PIK3C2G: variants seen among roughly 807,000 people sequenced by gnomAD.
PIK3C2G encodes the protein phosphatidylinositol 3-kinase C2 domain-containing subunit gamma.
PIK3C2G carries 168 observed loss-of-function variants against 181.1 expected under a neutral mutation model. The ratio of observed to expected loss-of-function variants is 0.93; its 90% CI spans 0.82 to 1.05. PIK3C2G has a LOEUF of 1.05. Among genes scored for constraint, PIK3C2G ranks in the 50% least tolerant of loss-of-function variants. The pLI is 0.00. For synonymous variants in PIK3C2G, 573 were observed against 592.2 expected, an observed-to-expected ratio of 0.97 and a Z score of 0.47; for missense variants, 1,869 against 1,732.8, an observed-to-expected ratio of 1.08 and a Z score of -1.40.
intron 26 of PIK3C2G, among the ~76,000 whole-genome samples, chr12:18,552,501 A>G (rs1396988539): frequency 6.6e-6 from 1 of 152,116 alleles, no homozygotes; most frequent in Non-Finnish European, 1.5e-5. Context: ...TACAGAAATA[A>G]ACACTACCAA....
At chr12:18,695,554 A>T in the PIK3C2G span, among the ~76,000 whole-genome samples, 1 of 152,092 alleles carries the variant, frequency 6.6e-6, no homozygotes. Flanking sequence ...CCTGGTAAAT[A>T]GCCACTGTAG....
At position 18,486,200 on chromosome 12, in the gene PIK3C2G, C is replaced by A. The variant is rs528758417; in HGVS notation, c.2505-2249C>A. On this transcript the variant is annotated intron_variant, in intron 18 of 32. Coordinates refer to ENST00000538779, the MANE Select transcript of PIK3C2G (RefSeq NM_001288772.2). ...AAAAGCCATGGATCTTGAACCAGAT[C>A]TCACCAGGAGAACATGTAATCTTGG... is the stretch of plus-strand genomic sequence containing the variant. Among the ~76,000 whole-genome samples, 9 of 152,262 alleles carry A rather than the reference C, an allele frequency of 5.9e-5. No individual in the cohort carries two copies. In the East Asian group the frequency reaches 1.7e-3, roughly 29 times the overall value.
intron 17 of PIK3C2G, among the ~76,000 whole-genome samples, chr12:18,423,687 A>G (rs185030074): frequency 2.6e-5 from 4 of 152,080 alleles, no homozygotes; most frequent in Admixed American, 1.3e-4. Context: ...ACATGGTTGA[A>G]CTCCACCAAC....
At chr12:18,404,677 T>C (rs11044081) in intron 16 of PIK3C2G, among the ~76,000 whole-genome samples, 19,401 of 152,112 alleles carry the variant, frequency 0.13, 1,268 homozygotes, top group African/African-American at 0.15. Flanking sequence ...TCATTTTATA[T>C]AACATTAGAA....
intron 26 of PIK3C2G, among the ~76,000 whole-genome samples, chr12:18,551,978 G>T (rs115134026): frequency 6.6e-6 from 1 of 152,010 alleles, no homozygotes; most frequent in African/African-American, 2.4e-5. Context: ...TTGCCCAGCC[G>T]TATTCTTATC....
chr12:18,266,369 T>C (rs1948499711), intron 1 of PIK3C2G, among the ~76,000 whole-genome samples: 1 of 152,176 alleles, frequency 6.6e-6, no homozygotes, highest in Non-Finnish European at 1.5e-5. Context: ...CCTTTCCTCT[T>C]GTAAGACAGA....
At chr12:18,450,327 T>C (rs1947279437) in intron 18 of PIK3C2G, among the ~76,000 whole-genome samples, 1 of 152,116 alleles carries the variant, frequency 6.6e-6, no homozygotes, top group African/African-American at 2.4e-5. Flanking sequence ...GGTTTCACCA[T>C]GTTGGCCAGG....
At chr12:18,360,557 T>C (rs1406954452) in intron 11 of PIK3C2G, among the ~76,000 whole-genome samples, 2 of 152,208 alleles carry the variant, frequency 1.3e-5, no homozygotes, top group African/African-American at 2.4e-5. Flanking sequence ...GCAGGTCTTG[T>C]AGTGAGGAAC....
the PIK3C2G span, chr12:18,714,595 AG>A: frequency 6.6e-6 from 1 of 152,160 alleles, no homozygotes; most frequent in East Asian, 1.9e-4. Context: ...AGGTTAAAAA[AG>A]CTCCCTTGTC....
Position 18,473,966 on chromosome 12 carries a change from T to C in PIK3C2G, c.2505-14483T>C, listed in dbSNP as rs1938713747. On this transcript the variant is annotated intron_variant, in intron 18 of 32. Coordinates refer to ENST00000538779, the MANE Select transcript of PIK3C2G (RefSeq NM_001288772.2). ...TTTGATGGAGGAAAGTTTAAGTTTTTCATTGGGTCATATTTGGCAAAACAT... is the reference window on the plus strand; with the variant it reads ...TTTGATGGAGGAAAGTTTAAGTTTTCCATTGGGTCATATTTGGCAAAACAT... Among the ~76,000 whole-genome samples, 3 of 152,184 alleles carry C rather than the reference T, an allele frequency of 2.0e-5. No homozygotes were observed. The South Asian group carries it at 6.2e-4, about 32-fold the overall frequency.
intron 14 of PIK3C2G, among the ~76,000 whole-genome samples, chr12:18,388,866 A>G (rs1943350823): frequency 6.6e-6 from 1 of 152,242 alleles, no homozygotes; most frequent in South Asian, 2.1e-4. Flanking sequence ...GCTGTGAATT[A>G]GAAGGGAGGA....
intron 7 of PIK3C2G, among the ~76,000 whole-genome samples, chr12:18,322,965 A>C (rs970547335): frequency 2.0e-5 from 3 of 152,138 alleles, no homozygotes; most frequent in African/African-American, 7.2e-5. Context: ...TACACCTCAA[A>C]TATGGGAAGT....
chr12:18,501,777 G>A (rs917084979), intron 22 of PIK3C2G, among the ~76,000 whole-genome samples: 1 of 152,116 alleles, frequency 6.6e-6, no homozygotes, highest in Non-Finnish European at 1.5e-5. Flanking sequence ...AGTGTCTTGG[G>A]ATTTAGCAAA....
chr12:18,331,290 T>G (rs1248839251), intron 8 of PIK3C2G, among the ~76,000 whole-genome samples: 2 of 152,178 alleles, frequency 1.3e-5, no homozygotes, highest in Admixed American at 1.3e-4. Context: ...TTGTATTTTC[T>G]AATCCATGAG....
intron 5 of PIK3C2G, among the ~76,000 whole-genome samples, chr12:18,305,163 T>A (rs551082157): frequency 6.6e-6 from 1 of 152,322 alleles, no homozygotes; most frequent in South Asian, 2.1e-4. Flanking sequence ...CATACAAACC[T>A]GCATTTGGTC....
intron 31 of PIK3C2G, among the ~76,000 whole-genome samples, chr12:18,637,417 CA>C (rs150150484): frequency 1.1e-5 from 1 of 88,794 alleles, no homozygotes; most frequent in Non-Finnish European, 2.5e-5. Flanking sequence ...TTTTTTTTTA[CA>C]AAAAAATGAA....
At position 18,621,579 on chromosome 12, in the gene PIK3C2G, TTA is replaced by T. The variant is rs71846830; in HGVS notation, c.4182+11958_4182+11959del. On this transcript the variant is annotated intron_variant, in intron 31 of 32. Transcript: ENST00000538779. ...TTAACATACATGTGTATAACATGTT[TTA>T]TATATATGTTATTAACATATATGTA... Among the ~76,000 whole-genome samples the T allele has an allele frequency of 7.5e-3, 1,137 of 151,812 alleles. 9 individuals carry two copies. The highest frequency in any genetic ancestry group is 0.024 in the African/African-American group (1,001 of 41,504).
At position 18,601,558 on chromosome 12, in the gene PIK3C2G, A is replaced by G. The variant is rs552545570; in HGVS notation, c.4087+6989A>G. 3.7e-4 allele frequency among the ~76,000 whole-genome samples: 56 copies of G among 152,258 alleles called. 1 individual carries two copies. The South Asian group carries it at 0.011, about 30-fold the overall frequency. On this transcript the variant is annotated intron_variant, in intron 30 of 32. Coordinates refer to ENST00000538779, the MANE Select transcript of PIK3C2G (RefSeq NM_001288772.2). ...GGAACAAGATCTAGGGTTCTATACT[A>G]CGTAGGATGTAGGATGACTATAGTT...
At chr12:18,330,033 T>C (rs1186124370) in intron 8 of PIK3C2G, among the ~76,000 whole-genome samples, 1 of 152,104 alleles carries the variant, frequency 6.6e-6, no homozygotes, top group Non-Finnish European at 1.5e-5. Flanking sequence ...TTTCTGTAGA[T>C]TTTTCAAAAA....
Sources: gnomAD v4.1 joint callset for allele counts (sites outside exome capture counted in the v4.1 genomes callset) on GRCh38, gnomAD v4.1.1 for gene constraint, MANE v1.5 for transcripts, NCBI Gene and HGNC (gene_info 2026-07-23, HGNC 2026-07-21) for gene names.